TUT4: variants seen among roughly 807,000 people sequenced by gnomAD.
TUT4 encodes the protein terminal uridylyl transferase 4, also known as terminal uridylyltransferase 4.
TUT4 carries 36 observed loss-of-function variants against 192.2 expected under a neutral mutation model. That is an observed-to-expected ratio of 0.19 (90% CI 0.14 to 0.25). TUT4 has a LOEUF of 0.25. Ranked by LOEUF, TUT4 falls within the 10% of genes least tolerant of loss-of-function variation. The pLI, the probability that TUT4 is intolerant of heterozygous loss-of-function variation, is 1.00. For missense variants in TUT4, 1,493 were observed against 1,957.2 expected (o/e 0.76, Z 4.47); for synonymous variants, 618 against 666.0 (o/e 0.93, Z 1.11).
At chr1:52,459,970 CAG>C (rs911112698) in intron 19 of TUT4, among the ~76,000 whole-genome samples, 13 of 152,014 alleles carry the variant, frequency 8.6e-5, no homozygotes, top group Admixed American at 3.3e-4. Flanking sequence ...AAAGAATCTT[CAG>C]AGACTTCTTC....
At chr1:52,519,723 G>GC (rs1253060502) in intron 2 of TUT4, among the ~76,000 whole-genome samples, 5 of 152,136 alleles carry the variant, frequency 3.3e-5, no homozygotes, top group African/African-American at 1.2e-4. Context: ...TGGCCAAGCT[G>GC]TTTTCGAACC....
At position 52,539,423 on chromosome 1, in the gene TUT4, AG is replaced by A. The variant is rs145806461; in HGVS notation, c.-93-13051del. ...ATGACAGATAAGAAATATAGCCAGC[AG>A]GACACCAGTCTCACAAGAGAACGAA... On this transcript the variant is annotated intron_variant, in intron 1 of 29. Transcript: ENST00000257177. 4.7e-3 allele frequency among the ~76,000 whole-genome samples: 722 copies of A among 152,346 alleles called. 4 individuals carry two copies. The highest frequency in any genetic ancestry group is 7.2e-3 in the Non-Finnish European group (493 of 68,032).
intron 20 of TUT4, among the ~76,000 whole-genome samples, chr1:52,455,577 C>T (rs894185441): frequency 3.8e-4 from 50 of 132,856 alleles, no homozygotes; most frequent in African/African-American, 1.4e-3. Flanking sequence ...CAGTCCAGCC[C>T]GGGCAGCAAC....
At chr1:52,516,906 TGAG>T (rs572438379) in intron 2 of TUT4, among the ~76,000 whole-genome samples, 127 of 152,310 alleles carry the variant, frequency 8.3e-4, no homozygotes, top group African/African-American at 2.8e-3. Context: ...AAGGCTTCTC[TGAG>T]GAGTTATCAT....
chr1:52,462,201 T>C (rs1168362673), intron 16 of TUT4: 2 of 153,880 alleles, frequency 1.3e-5, no homozygotes, highest in Admixed American at 6.5e-5. Flanking sequence ...TTTTTCTTTT[T>C]TTGAGACGGA....
At position 52,426,997 on chromosome 1, in the gene TUT4, GTATC is replaced by G. The variant is rs542390411; in HGVS notation, c.4712-1494_4712-1491del. Reference sequence around the variant, plus strand: ...AGCTTTAATAACAATTATGAATTGAGTATCTATACAATGAATAATATTAAGTATA... The same window carrying G: ...AGCTTTAATAACAATTATGAATTGAGTATACAATGAATAATATTAAGTATA... On this transcript the variant is annotated intron_variant, in intron 28 of 29. Transcript: ENST00000257177. Among the ~76,000 whole-genome samples, 66 of 152,106 alleles carry G rather than the reference GTATC, an allele frequency of 4.3e-4. No homozygotes were observed. In the East Asian group the frequency reaches 9.4e-3, roughly 22 times the overall value.
chr1:52,465,294 C>T (rs1181640268), intron 15 of TUT4, 121 bp from the exon 16 acceptor site: 3 of 644,380 alleles, frequency 4.7e-6, no homozygotes, highest in Non-Finnish European at 7.6e-6. Context: ...AATTACCTAC[C>T]ACTGGAAGAA....
At chr1:52,473,779 G>A (rs1666390843) in intron 13 of TUT4, among the ~76,000 whole-genome samples, 1 of 151,872 alleles carries the variant, frequency 6.6e-6, no homozygotes, top group African/African-American at 2.4e-5. Context: ...TAATGATATT[G>A]CAATTATCTG....
At chr1:52,478,856 G>A (rs1166066168) in intron 11 of TUT4, among the ~76,000 whole-genome samples, 2 of 152,160 alleles carry the variant, frequency 1.3e-5, no homozygotes, top group Admixed American at 6.5e-5. Flanking sequence ...GTGCAAGGCA[G>A]TGTTCCAGGC....
chr1:52,425,894 G>A (rs1462368624), intron 28 of TUT4, among the ~76,000 whole-genome samples: 3 of 151,980 alleles, frequency 2.0e-5, no homozygotes, highest in African/African-American at 7.3e-5. Context: ...CAGAGAGAAG[G>A]AGTATCATGT....
Position 52,477,854 on chromosome 1 carries a change from C to T in TUT4, c.1877G>A (p.Arg626Gln), listed in dbSNP as rs1227160808. ...TAACCATAACTGTCCCAAGGATACCCGATTTGGTGTTTCCAATGCTAAAGG... is the reference window on the plus strand; with the variant it reads ...TAACCATAACTGTCCCAAGGATACCTGATTTGGTGTTTCCAATGCTAAAGG... Reference protein sequence around the residue: ...KSPLALETPNRVSLGQLWLEL... With the variant: ...KSPLALETPNQVSLGQLWLEL... The change falls in exon 12 of 30, where the codon CGG (arginine) becomes CAG (glutamine). Residue 626 changes from arginine to glutamine, a missense_variant. By Grantham distance (43) the Arg-to-Gln change is conservative. This residue lies in a region of TUT4 where 437 missense variants were observed against 577.6 expected (regional missense o/e 0.76). Transcript: ENST00000257177. 5.0e-6 allele frequency: 8 copies of T among 1,609,106 alleles called. No homozygotes were observed. Among genetic ancestry groups the T allele is most frequent in the African/African-American group, 4.0e-5 (3 of 74,552 alleles).
At chr1:52,528,436 A>G (rs1682426463) in intron 1 of TUT4, among the ~76,000 whole-genome samples, 1 of 151,070 alleles carries the variant, frequency 6.6e-6, no homozygotes, top group Non-Finnish European at 1.5e-5. Flanking sequence ...GGTTGCGGTG[A>G]GCCAAGATTG....
rs948254099 is a variant in TUT4 at position 52,446,368 on chromosome 1, A to G, written c.3588T>C (p.Tyr1196=). 3 of 1,613,848 alleles carry G rather than the reference A, an allele frequency of 1.9e-6. No individual in the cohort carries two copies. The highest frequency in any genetic ancestry group is 1.3e-5 in the African/African-American group (1 of 74,918). ...ATTCCTTGAAATCAAACTCTTCAGT[A>G]TAGAAACGAAGCAGTCCCAGCCAAA... ...GELWLGLLRF[Y]TEEFDFKEYV... is the part of the protein sequence containing the mutation. Residue 1196 remains tyrosine, a synonymous_variant, in exon 22 of 30, where the codon TAT becomes TAC. Transcript: ENST00000257177.
At position 52,446,075 on chromosome 1, in the gene TUT4, G is replaced by A. The variant is rs150564690; in HGVS notation, c.3692-71C>T. The stretch of plus-strand genomic sequence containing the variant: ...CATAAAAATATACTTAGAAGTCACC[G>A]CTGAAGTCTAATACTTATATGTACT... On this transcript the variant is annotated intron_variant, in intron 22 of 29. Transcript: ENST00000257177. 890 of 1,444,944 alleles carry A rather than the reference G, an allele frequency of 6.2e-4. 9 individuals carry two copies. The East Asian group carries it at 0.018, about 30-fold the overall frequency. The allele number at this position is 1,444,944 out of a possible 1,614,324, so 89.5% of individuals were successfully genotyped here. A position where few individuals can be genotyped will look rare whatever the true frequency, so the allele number is the denominator to read the frequency against.
intron 20 of TUT4, among the ~76,000 whole-genome samples, chr1:52,449,202 T>A (rs560938399): frequency 8.5e-5 from 13 of 152,324 alleles, no homozygotes; most frequent in African/African-American, 3.1e-4. Flanking sequence ...ATTATAAGGA[T>A]CACCAAATAA....
chr1:52,512,496 C>T (rs1343785310), intron 3 of TUT4, among the ~76,000 whole-genome samples: 3 of 152,200 alleles, frequency 2.0e-5, no homozygotes, highest in African/African-American at 4.8e-5. Context: ...CCAAAATCCA[C>T]GCACTTGACC....
intron 9 of TUT4, among the ~76,000 whole-genome samples, chr1:52,486,963 A>G (rs900711290): frequency 1.1e-4 from 17 of 152,204 alleles, no homozygotes; most frequent in African/African-American, 4.1e-4. Flanking sequence ...TGACTTTATG[A>G]CCACAAAAAA....
intron 20 of TUT4, among the ~76,000 whole-genome samples, chr1:52,447,789 C>A (rs775161012): frequency 6.6e-6 from 1 of 152,182 alleles, no homozygotes; most frequent in East Asian, 1.9e-4. Flanking sequence ...CCTAAGTGCT[C>A]ACTTTTCCCA....
At chr1:52,444,701 G>C (rs1189011200) in intron 24 of TUT4, among the ~76,000 whole-genome samples, 2 of 150,042 alleles carry the variant, frequency 1.3e-5, no homozygotes, top group Non-Finnish European at 2.9e-5. Context: ...GCAGAAAAAT[G>C]TGAAAAGGCA....
Sources: gnomAD v4.1 joint callset for allele counts (sites outside exome capture counted in the v4.1 genomes callset) on GRCh38, gnomAD v4.1.1 for gene constraint, gnomAD v4.1.1 regional missense constraint, MANE v1.5 for transcripts, NCBI Gene and HGNC (gene_info 2026-07-23, HGNC 2026-07-21) for gene names.